Variants in ULK4 observed in about 807,000 individuals in gnomAD.
The protein encoded by ULK4 is unc-51 like kinase 4.
A neutral mutation model predicts 160.6 loss-of-function variants in ULK4; 133 were observed. That is an observed-to-expected ratio of 0.83 (90% CI 0.72 to 0.96). The LOEUF is 0.96. ULK4 is among the 40% of genes least tolerant of loss of function. ULK4 has a pLI of 0.00. For missense variants in ULK4, 1,580 were observed against 1,499.5 expected, an observed-to-expected ratio of 1.05 and a Z score of -0.89; for synonymous variants, 534 against 539.8, an observed-to-expected ratio of 0.99 and a Z score of 0.15.
intron 32 of ULK4, among the ~76,000 whole-genome samples, chr3:41,481,201 T>C (rs2084311820): frequency 6.6e-6 from 1 of 152,202 alleles, no homozygotes; most frequent in Non-Finnish European, 1.5e-5. Context: ...CCCACATTGT[T>C]CAGGGGTCAG....
chr3:41,842,305 T>C (rs1324202549), intron 17 of ULK4, among the ~76,000 whole-genome samples: 1 of 150,790 alleles, frequency 6.6e-6, no homozygotes, highest in African/African-American at 2.5e-5. Flanking sequence ...AACCCCCATA[T>C]AAAAAGGGAA....
At chr3:41,882,393 T>G in intron 17 of ULK4, 1 of 652,142 alleles carries the variant, frequency 1.5e-6, no homozygotes, top group East Asian at 2.7e-5. Context: ...TAGTATTCTT[T>G]TCTATAAGTT....
At chr3:41,678,177 T>TACACACACACAC (rs752843326) in intron 29 of ULK4, among the ~76,000 whole-genome samples, 23 of 123,134 alleles carry the variant, frequency 1.9e-4, no homozygotes, top group Middle Eastern at 4.3e-3. Context: ...CTTTATTTCA[T>TACACACACACAC]ACACACACAC....
chr3:41,378,544 GCAC>G (rs1400634396), intron 35 of ULK4, among the ~76,000 whole-genome samples: 1 of 148,810 alleles, frequency 6.7e-6, no homozygotes, highest in Non-Finnish European at 1.5e-5. Context: ...AAAAAACCAA[GCAC>G]CACATGTTCT....
intron 18 of ULK4, among the ~76,000 whole-genome samples, chr3:41,833,908 CTA>C (rs2041676696): frequency 6.6e-6 from 1 of 151,962 alleles, no homozygotes; most frequent in Admixed American, 6.6e-5. Flanking sequence ...GCTCCCTGTA[CTA>C]TTCCTAACAG....
intron 34 of ULK4, among the ~76,000 whole-genome samples, chr3:41,425,294 T>C (rs1239392115): frequency 6.6e-6 from 1 of 151,870 alleles, no homozygotes; most frequent in African/African-American, 2.4e-5. Flanking sequence ...ACTATGGAAT[T>C]ACATAAAAAG....
At chr3:41,949,432 ATTTT>A (rs368229748) in intron 2 of ULK4, among the ~76,000 whole-genome samples, 2 of 141,594 alleles carry the variant, frequency 1.4e-5, no homozygotes, top group Admixed American at 7.2e-5. Flanking sequence ...GATTAGCGGA[ATTTT>A]TTTTTTTTTT....
chr3:41,881,284 T>TAAAAAAAAAAAAAAAAAAAAA (rs58977381), intron 17 of ULK4, among the ~76,000 whole-genome samples: 1 of 126,280 alleles, frequency 7.9e-6, no homozygotes, highest in African/African-American at 3.6e-5. Flanking sequence ...CAGAAACTTC[T>TAAAAAAAAAAAAAAAAAAAAA]AAAAAAAAAA....
At chr3:41,439,915 T>C (rs1376089726) in intron 34 of ULK4, among the ~76,000 whole-genome samples, 4 of 152,212 alleles carry the variant, frequency 2.6e-5, no homozygotes, top group African/African-American at 9.6e-5. Flanking sequence ...CAATGTTTTG[T>C]GGTTTCCATA....
rs564823023 is a variant in ULK4, at chr3:41,851,304, CA to C, written c.1657-15334del. ...AGCATGAAGGGCTGTTGAATTTTGTCAAAGGCCTTTTCTGCATCTATTGAGA... is the reference window on the plus strand; with the variant it reads ...AGCATGAAGGGCTGTTGAATTTTGTCAAGGCCTTTTCTGCATCTATTGAGA... On this transcript the variant is annotated intron_variant, in intron 17 of 36. Coordinates refer to ENST00000301831, the MANE Select transcript of ULK4 (RefSeq NM_017886.4). Among the ~76,000 whole-genome samples, 993 of 152,222 alleles carry C rather than the reference CA, an allele frequency of 6.5e-3. 8 individuals carry two copies. The highest frequency in any genetic ancestry group is 0.023 in the African/African-American group (959 of 41,536).
intron 31 of ULK4, among the ~76,000 whole-genome samples, chr3:41,585,666 A>G (rs1203211775): frequency 1.3e-5 from 2 of 152,188 alleles, no homozygotes; most frequent in Non-Finnish European, 2.9e-5. Flanking sequence ...AAGCAGATAA[A>G]TGAGACCACA....
At chr3:41,710,755 C>T (rs1008711652) in intron 25 of ULK4, among the ~76,000 whole-genome samples, 1 of 149,996 alleles carries the variant, frequency 6.7e-6, no homozygotes, top group Non-Finnish European at 1.5e-5. Context: ...GATCGCTCCG[C>T]TGCACAAGCC....
intron 18 of ULK4, among the ~76,000 whole-genome samples, chr3:41,823,053 AAGTC>A (rs1559580774): frequency 6.6e-6 from 1 of 151,718 alleles, no homozygotes; most frequent in Non-Finnish European, 1.5e-5. Flanking sequence ...TAAACAAAGT[AAGTC>A]AGTCAAGATA....
At chr3:41,382,231 A>G (rs1249398908) in intron 35 of ULK4, among the ~76,000 whole-genome samples, 6 of 152,198 alleles carry the variant, frequency 3.9e-5, no homozygotes, top group African/African-American at 1.2e-4. Flanking sequence ...AAGCTCCATT[A>G]GAGCAGGGTT....
chr3:41,943,530 T>C (rs1331092942), intron 2 of ULK4, among the ~76,000 whole-genome samples: 1 of 152,124 alleles, frequency 6.6e-6, no homozygotes, highest in African/African-American at 2.4e-5. Context: ...TGCTGCCTGA[T>C]TTACTTTAAA....
chr3:41,362,928 C>G (rs1336945737), intron 35 of ULK4, among the ~76,000 whole-genome samples: 1 of 152,248 alleles, frequency 6.6e-6, no homozygotes, highest in Non-Finnish European at 1.5e-5. Context: ...TCTGGCTGCA[C>G]TGTTCCTGGA....
intron 21 of ULK4, among the ~76,000 whole-genome samples, chr3:41,774,664 G>T (rs2039534648): frequency 6.7e-6 from 1 of 149,864 alleles, no homozygotes; most frequent in Non-Finnish European, 1.5e-5. Context: ...AGTCAGTGTG[G>T]CGATTCCTCA....
At chr3:41,800,442 G>T in intron 19 of ULK4, 149 bp from the exon 20 acceptor site, 1 of 688,558 alleles carries the variant, frequency 1.5e-6, no homozygotes, top group Non-Finnish European at 2.4e-6. Flanking sequence ...AACTCTTTCA[G>T]GTCATTATGA....
chr3:41,656,640 G>A (rs538487969), intron 30 of ULK4, among the ~76,000 whole-genome samples: 1 of 152,296 alleles, frequency 6.6e-6, no homozygotes, highest in Admixed American at 6.5e-5. Flanking sequence ...GAAGACAGGT[G>A]ACTGTATGGC....
Sources: allele counts gnomAD v4.1 joint callset (sites outside exome capture counted in the v4.1 genomes callset), GRCh38; gene constraint gnomAD v4.1.1; transcripts MANE v1.5; gene names NCBI Gene and HGNC (gene_info 2026-07-23, HGNC 2026-07-21).